APBA2: variants seen among roughly 807,000 people sequenced by gnomAD.
APBA2 encodes the protein amyloid beta precursor protein binding family A member 2, also known as amyloid-beta A4 precursor protein-binding family A member 2.
A neutral mutation model predicts 75.0 loss-of-function variants in APBA2; 30 were observed. The ratio of observed to expected loss-of-function variants is 0.40; its 90% CI spans 0.30 to 0.54. APBA2 has a LOEUF of 0.54. APBA2 is among the 20% of genes least tolerant of loss of function. The probability of loss-of-function intolerance (pLI) is 0.49; values close to 1 mark genes in which losing one functional copy is unlikely to be tolerated. For missense variants in APBA2, 801 were observed against 1,016.1 expected, an observed-to-expected ratio of 0.79 and a Z score of 2.88; for synonymous variants, 444 against 409.6, an observed-to-expected ratio of 1.08 and a Z score of -1.01.
At chr15:29,072,582 T>C (rs1008831253) in intron 4 of APBA2, among the ~76,000 whole-genome samples, 4 of 151,854 alleles carry the variant, frequency 2.6e-5, no homozygotes, top group South Asian at 2.1e-4. Context: ...AAAGGGGCGC[T>C]GTCTGCTCCA....
chr15:29,000,106 A>G (rs2038765424), intron 3 of APBA2, among the ~76,000 whole-genome samples: 1 of 152,188 alleles, frequency 6.6e-6, no homozygotes, highest in Non-Finnish European at 1.5e-5. Context: ...GCCAATTCCA[A>G]TGGTAACCGC....
At chr15:29,045,669 C>T (rs183817200) in intron 3 of APBA2, among the ~76,000 whole-genome samples, 16 of 152,212 alleles carry the variant, frequency 1.1e-4, no homozygotes, top group East Asian at 3.9e-4. Flanking sequence ...AGTAAGGTCT[C>T]GGCTATGCAA....
chr15:29,036,617 G>A (rs1023503792), intron 3 of APBA2, among the ~76,000 whole-genome samples: 1 of 152,186 alleles, frequency 6.6e-6, no homozygotes, highest in African/African-American at 2.4e-5. Context: ...CTTCAAAGGA[G>A]GGGTGGCCAG....
intron 2 of APBA2, among the ~76,000 whole-genome samples, chr15:28,923,113 C>A (rs1566801655): frequency 1.3e-5 from 2 of 152,226 alleles, no homozygotes; most frequent in Non-Finnish European, 1.5e-5. Flanking sequence ...ACTTTTCAGA[C>A]ACAGTTTTTA....
At chr15:28,984,615 C>G (rs1566873034) in intron 2 of APBA2, among the ~76,000 whole-genome samples, 1 of 152,022 alleles carries the variant, frequency 6.6e-6, no homozygotes, top group Non-Finnish European at 1.5e-5. Context: ...GGCAGGGTCT[C>G]TCTGTCTCTC....
chr15:29,023,873 TA>T (rs1459283668), intron 3 of APBA2, among the ~76,000 whole-genome samples: 1 of 151,854 alleles, frequency 6.6e-6, no homozygotes, highest in Non-Finnish European at 1.5e-5. Context: ...GTTAGCATTT[TA>T]TTATATTTGC....
At chr15:28,933,967 A>T (rs990961032) in intron 2 of APBA2, among the ~76,000 whole-genome samples, 1 of 151,774 alleles carries the variant, frequency 6.6e-6, no homozygotes, top group African/African-American at 2.4e-5. Context: ...CCCAGGAGAA[A>T]GGGGGGCATG....
chr15:29,054,439 C>T lies in APBA2; in HGVS notation c.555C>T (p.His185=). 6.2e-7 allele frequency: 1 copy of T among 1,614,144 alleles called. No individual in the cohort carries two copies. The highest frequency in any genetic ancestry group is 8.5e-7 in the Non-Finnish European group (1 of 1,180,036). ...CCCATGACCAGGAAGAAGATGGTCA[C>T]TACTGTGCCAGCAAAGAGGGCTACC... ...LEAHDQEEDG[H]YCASKEGYQD... Residue 185 remains histidine, a synonymous_variant, in exon 4 of 15, where the codon CAC becomes CAT. Transcript: ENST00000683413. This position sits in a 1 kb window ranked among gnomAD's most constrained non-coding sequence, Gnocchi z 6.1.
chr15:28,956,881 G>A lies in APBA2; in HGVS notation c.-95+35132G>A, dbSNP rs558113914. On this transcript the variant is annotated intron_variant, in intron 2 of 14. Coordinates refer to ENST00000683413, the MANE Select transcript of APBA2 (RefSeq NM_001353788.2). ...AACGTCCTCACGGTGCACACACGTC[G>A]TAGTGTAGCACGTGTCACAGTCTCC... is the stretch of plus-strand genomic sequence containing the variant. Among the ~76,000 whole-genome samples, 21 of 152,292 alleles carry A rather than the reference G, an allele frequency of 1.4e-4. No individual in the cohort carries two copies. In the East Asian group the frequency reaches 3.5e-3, roughly 25 times the overall value.
At chr15:29,076,824 G>A (rs2042873248) in intron 6 of APBA2, among the ~76,000 whole-genome samples, 1 of 152,168 alleles carries the variant, frequency 6.6e-6, no homozygotes, top group Non-Finnish European at 1.5e-5. Context: ...TGGGAGCAAG[G>A]TAAATTAGTT....
chr15:29,021,574 G>A (rs1404961466), intron 3 of APBA2, among the ~76,000 whole-genome samples: 4 of 152,094 alleles, frequency 2.6e-5, no homozygotes, highest in South Asian at 2.1e-4. Context: ...TTGCCACAGC[G>A]TGTGCCGTAA....
chr15:28,889,936 T>TA lies in APBA2; in HGVS notation c.-205+3659dup, dbSNP rs2032017051. Among the ~76,000 whole-genome samples, 4 of 152,366 alleles carry TA rather than the reference T, an allele frequency of 2.6e-5. No individual in the cohort carries two copies. In the South Asian group the frequency reaches 8.3e-4, roughly 32 times the overall value. ...ACTTGTTTGTTTATTGTCAGTCTCT[T>TA]ACCACTCAATTGTAAAAGACTTTGT... is the stretch of plus-strand genomic sequence containing the variant. On this transcript the variant is annotated intron_variant, in intron 1 of 14. Coordinates refer to ENST00000683413, the MANE Select transcript of APBA2 (RefSeq NM_001353788.2).
chr15:28,921,484 C>T (rs1189185074), intron 1 of APBA2, among the ~76,000 whole-genome samples, 156 bp from the exon 2 acceptor site: 1 of 152,182 alleles, frequency 6.6e-6, no homozygotes, highest in Admixed American at 6.5e-5. Context: ...CTTGGAGTTC[C>T]AGCTGCTCTA....
At chr15:29,082,717 T>C (rs914995929) in intron 6 of APBA2, among the ~76,000 whole-genome samples, 4 of 152,224 alleles carry the variant, frequency 2.6e-5, no homozygotes, top group Admixed American at 6.5e-5. Flanking sequence ...TTGAGCTTAC[T>C]GAGTTTTTGA....
intron 2 of APBA2, among the ~76,000 whole-genome samples, chr15:28,932,149 T>C (rs1008833140): frequency 3.3e-5 from 5 of 151,896 alleles, no homozygotes; most frequent in African/African-American, 1.2e-4. Flanking sequence ...AGCCAGCCAA[T>C]GAGATGAGGG....
chr15:29,053,758 G>A (rs888189349), intron 3 of APBA2, 87 bp from the exon 4 acceptor site: 7 of 786,788 alleles, frequency 8.9e-6, no homozygotes, highest in Admixed American at 5.0e-5. Context: ...GGAGGACGTG[G>A]TGGGAGGTGC....
At chr15:28,999,103 T>C (rs968808776) in intron 3 of APBA2, among the ~76,000 whole-genome samples, 3 of 149,792 alleles carry the variant, frequency 2.0e-5, no homozygotes, top group African/African-American at 7.4e-5. Context: ...AGCGAGATCA[T>C]GCCACTGCAC....
At chr15:28,966,128 C>T (rs2036724872) in intron 2 of APBA2, among the ~76,000 whole-genome samples, 1 of 151,928 alleles carries the variant, frequency 6.6e-6, no homozygotes, top group Non-Finnish European at 1.5e-5. Context: ...TATGGTCTAT[C>T]TGAGTGTATG....
At chr15:29,050,545 G>A (rs2152881481) in intron 3 of APBA2, among the ~76,000 whole-genome samples, 1 of 152,270 alleles carries the variant, frequency 6.6e-6, no homozygotes, top group East Asian at 1.9e-4. Context: ...GAGCTAATAG[G>A]AAACACCAGT....
Sources: gnomAD v4.1 joint callset for allele counts (sites outside exome capture counted in the v4.1 genomes callset) on GRCh38, gnomAD v4.1.1 for gene constraint, Gnocchi (gnomAD v3.1) non-coding constraint, MANE v1.5 for transcripts, NCBI Gene and HGNC (gene_info 2026-07-23, HGNC 2026-07-21) for gene names.